P4HB: variants seen among roughly 807,000 people sequenced by gnomAD.
P4HB encodes the protein protein disulfide-isomerase.
In P4HB, 20 loss-of-function variants were observed where a neutral mutation model predicts 52.6. The ratio of observed to expected loss-of-function variants is 0.38; its 90% CI spans 0.27 to 0.55. The LOEUF (loss-of-function observed/expected upper bound fraction) is 0.55, where lower values mean the gene tolerates loss of function less well. Ranked by LOEUF, P4HB falls within the 20% of genes least tolerant of loss-of-function variation. P4HB has a pLI of 0.74. For missense variants in P4HB, 601 were observed against 669.2 expected, an observed-to-expected ratio of 0.90 and a Z score of 1.12; for synonymous variants, 296 against 277.9, an observed-to-expected ratio of 1.07 and a Z score of -0.65.
Position 81,855,215 on chromosome 17 carries a change from A to G in P4HB, c.551T>C (p.Phe184Ser). Residue 184 changes from phenylalanine to serine, a missense_variant, in exon 4 of 11, where the codon TTT (phenylalanine) becomes TCT (serine). Transcript: ENST00000331483. This position sits in a 1 kb window ranked among gnomAD's most constrained non-coding sequence, Gnocchi z 4.3. ...QAAEAIDDIP[F>S]GITSNSDVFS... is the part of the protein sequence containing the mutation. ...CACGTCACTGTTGGAAGTGATCCCA[A>G]ATGGTATGTCATCGATGGCCTCTGC... The G allele has an allele frequency of 6.2e-7, 1 of 1,614,012 alleles. No homozygotes were observed. The highest frequency in any genetic ancestry group is 8.5e-7 in the Non-Finnish European group (1 of 1,179,958).
chr17:81,857,215 C>T (rs1190951030), intron 2 of P4HB, among the ~76,000 whole-genome samples: 1 of 152,182 alleles, frequency 6.6e-6, no homozygotes, highest in Non-Finnish European at 1.5e-5. Flanking sequence ...GTGGCACGAT[C>T]TCAGCTCACT....
chr17:81,843,923 A>G lies in P4HB; in HGVS notation c.*89T>C, dbSNP rs2038690726. 1 of 968,164 alleles carries G rather than the reference A, an allele frequency of 1.0e-6. No homozygotes were observed. The highest frequency in any genetic ancestry group is 1.6e-5 in the African/African-American group (1 of 62,230). The allele number at this position is 968,164 out of a possible 1,614,324, so 60.0% of individuals were successfully genotyped here. The stretch of plus-strand genomic sequence containing the variant: ...GGGTTTCCGGCGACGCCCTCCTTCA[A>G]GCGAGGCCGCAGGCTTCGGAGGCGT... On this transcript the variant is annotated 3_prime_UTR_variant, in exon 11 of 11. Coordinates refer to ENST00000331483, the MANE Select transcript of P4HB (RefSeq NM_000918.4).
In P4HB at chr17:81,855,853, T is replaced by C; in HGVS notation, c.353-267A>G. Reference sequence around the variant, plus strand: ...ATAACAGGATCACAAACCCATTTTTTTTCTCTGATCTCTCTGCATTTTCTT... The same window carrying C: ...ATAACAGGATCACAAACCCATTTTTCTTCTCTGATCTCTCTGCATTTTCTT... On this transcript the variant is annotated intron_variant, in intron 2 of 10. Coordinates refer to ENST00000331483, the MANE Select transcript of P4HB (RefSeq NM_000918.4). The surrounding 1 kb of genome is among the most constrained non-coding windows in gnomAD (Gnocchi z 4.3). 2.5e-6 allele frequency: 1 copy of C among 407,896 alleles called. No individual in the cohort carries two copies. The highest frequency in any genetic ancestry group is 4.4e-6 in the Non-Finnish European group (1 of 229,408). The allele number at this position is 407,896 out of a possible 1,614,324, so 25.3% of individuals were successfully genotyped here.
chr17:81,850,642 C>A (rs1308717768), intron 4 of P4HB, among the ~76,000 whole-genome samples: 1 of 151,354 alleles, frequency 6.6e-6, no homozygotes, highest in Non-Finnish European at 1.5e-5. Context: ...TGCCAACACG[C>A]CTGGCAAATT....
intron 4 of P4HB, among the ~76,000 whole-genome samples, chr17:81,848,736 C>CAAA (rs770133887): frequency 3.7e-4 from 9 of 24,480 alleles, no homozygotes; most frequent in African/African-American, 1.0e-3. Context: ...AACTCTGTCT[C>CAAA]AAAAAAAAAA....
At position 81,855,062 on chromosome 17, in the gene P4HB, T is replaced by G. The variant is rs1468465808; in HGVS notation, c.624+80A>C. ...CAAAGGTGCCAGGAGCAAGGTTCCC[T>G]TAACGATAAGGAGAGCAACGCCACC... On this transcript the variant is annotated intron_variant, in intron 4 of 10. Coordinates refer to ENST00000331483, the MANE Select transcript of P4HB (RefSeq NM_000918.4). This position sits in a 1 kb window ranked among gnomAD's most constrained non-coding sequence, Gnocchi z 4.3. The G allele has an allele frequency of 7.0e-7, 1 of 1,429,930 alleles. No homozygotes were observed. The highest frequency in any genetic ancestry group is 9.8e-7 in the Non-Finnish European group (1 of 1,019,480). 88.6% of individuals were successfully genotyped at this position (1,429,930 alleles called of 1,614,324 possible). A position where few individuals can be genotyped will look rare whatever the true frequency, so the allele number is the denominator to read the frequency against.
Position 81,844,087 on chromosome 17 carries a change from G to A in P4HB, c.1452C>T (p.Leu484=), listed in dbSNP as rs141296055. ...GCTCCTCTGCTTCTTCCAGGTCCTC[G>A]AGATCCTGGGATACAGGAAAAGGGG... is the stretch of plus-strand genomic sequence containing the variant. ...GQDGAGDDDD[L]EDLEEAEEPD... is the part of the protein sequence containing the mutation. Residue 484 remains leucine (L), a synonymous_variant, in exon 11 of 11, where the codon CTC becomes CTT. Transcript: ENST00000331483. 3.5e-5 allele frequency: 57 copies of A among 1,610,878 alleles called. No homozygotes were observed. The highest frequency in any genetic ancestry group is 1.7e-4 in the Middle Eastern group (1 of 6,060).
chr17:81,851,694 C>T (rs570103609), intron 4 of P4HB, among the ~76,000 whole-genome samples: 125 of 152,326 alleles, frequency 8.2e-4, no homozygotes, highest in African/African-American at 2.9e-3. Flanking sequence ...GAGTGTCAGG[C>T]GCCGCCTACA....
At chr17:81,844,753 C>A (rs2038706724) in intron 10 of P4HB, among the ~76,000 whole-genome samples, 1 of 152,372 alleles carries the variant, frequency 6.6e-6, no homozygotes, top group Non-Finnish European at 1.5e-5. Context: ...CGCTGACGGG[C>A]AGGACTAAAC....
rs200828785 is a variant in P4HB, at chr17:81,843,867, G to A, written c.*145C>T. The stretch of plus-strand genomic sequence containing the variant: ...GACGGGGGTGAACGGACGGTGTGTA[G>A]GGGTGAGGTGTCACTTCAGAGAGGT... On this transcript the variant is annotated 3_prime_UTR_variant, in exon 11 of 11. Coordinates refer to ENST00000331483, the MANE Select transcript of P4HB (RefSeq NM_000918.4). The A allele has an allele frequency of 2.8e-6, 2 of 706,972 alleles. No individual in the cohort carries two copies. Among genetic ancestry groups the A allele is most frequent in the Non-Finnish European group, 5.1e-6 (2 of 388,930 alleles). 43.8% of individuals were successfully genotyped at this position (706,972 alleles called of 1,614,324 possible). A position where few individuals can be genotyped will look rare whatever the true frequency, so the allele number is the denominator to read the frequency against.
chr17:81,847,087 T>G lies in P4HB; in HGVS notation c.730-15A>C. On this transcript the variant is annotated splice_polypyrimidine_tract_variant and intron_variant, in intron 5 of 10. Coordinates refer to ENST00000331483, the MANE Select transcript of P4HB (RefSeq NM_000918.4). ...TTCGGGGCTGTCTGTGTTATAAACT[T>G]AAGTTACTGGGTCTGAGTCACACAC... is the stretch of plus-strand genomic sequence containing the variant. 1 of 1,613,892 alleles carries G rather than the reference T, an allele frequency of 6.2e-7. No individual in the cohort carries two copies. The highest frequency in any genetic ancestry group is 8.5e-7 in the Non-Finnish European group (1 of 1,179,950).
chr17:81,845,648 C>T lies in P4HB; in HGVS notation c.1272G>A (p.Lys424=). 6.2e-7 allele frequency: 1 copy of T among 1,613,884 alleles called. No individual in the cohort carries two copies. Among genetic ancestry groups the T allele is most frequent in the South Asian group, 1.1e-5 (1 of 91,072 alleles). Residue 424 remains lysine, a synonymous_variant, in exon 9 of 11, where the codon AAG becomes AAA. Transcript: ENST00000331483. Reference sequence around the variant, plus strand: ...CCACCTCGTTGGCAGTCGAGTCCATCTTGGCGATGACGATGTTCTCATGGT... The same window carrying T: ...CCACCTCGTTGGCAGTCGAGTCCATTTTGGCGATGACGATGTTCTCATGGT... ...YKDHENIVIA[K]MDSTANEVEA... is the part of the protein sequence containing the mutation.
Position 81,845,192 on chromosome 17 carries a change from A to C in P4HB, c.1398T>G (p.Phe466Leu), listed in dbSNP as rs200132865. 6.2e-7 allele frequency: 1 copy of C among 1,613,898 alleles called. No individual in the cohort carries two copies. Among genetic ancestry groups the C allele is most frequent in the Non-Finnish European group, 8.5e-7 (1 of 1,179,842 alleles). The change falls in exon 10 of 11, where the codon TTT (phenylalanine) becomes TTG (leucine). Residue 466 changes from phenylalanine to leucine, a missense_variant. Physicochemically the swap from Phe to Leu is conservative, Grantham distance 22. Transcript: ENST00000331483. ...DYNGERTLDG[F>L]KKFLESGGQD... is the part of the protein sequence containing the mutation. ...GGCCACCGCTCTCCAGGAATTTCTT[A>C]AAACCATCCAGCGTGCGTTCCCCGT...
rs775151370 is a variant in P4HB, at chr17:81,845,998, G to A, written c.1057-7C>T. On this transcript the variant is annotated splice_region_variant and splice_polypyrimidine_tract_variant and intron_variant, in intron 7 of 10. Coordinates refer to ENST00000331483, the MANE Select transcript of P4HB (RefSeq NM_000918.4). ...CCTGGCTCATCAGGTGGGGCTGGAG[G>A]GCAGGCAGGGCACGGTGAGGGGCGG... The A allele has an allele frequency of 1.2e-6, 2 of 1,602,686 alleles. No homozygotes were observed. Among genetic ancestry groups the A allele is most frequent in the Non-Finnish European group, 1.7e-6 (2 of 1,173,304 alleles).
At chr17:81,849,306 T>C (rs1399077434) in intron 4 of P4HB, among the ~76,000 whole-genome samples, 1 of 151,404 alleles carries the variant, frequency 6.6e-6, no homozygotes, top group Non-Finnish European at 1.5e-5. Context: ...AGCAGCCTAA[T>C]CCAACATGGT....
In P4HB at chr17:81,855,257, T is replaced by A. The variant is rs532127753; in HGVS notation, c.509A>T (p.Lys170Met). The change falls in exon 4 of 11, where the codon AAG (lysine) becomes ATG (methionine). Residue 170 changes from lysine to methionine, a missense_variant. Physicochemically the swap from Lys to Met is moderately conservative, Grantham distance 95. Transcript: ENST00000331483. This position sits in a 1 kb window ranked among gnomAD's most constrained non-coding sequence, Gnocchi z 4.3. ...FFKDVESDSAKQFLQAAEAID... is the reference protein window; with the variant it reads ...FFKDVESDSAMQFLQAAEAID... ...GGCCTCTGCTGCCTGCAAAAACTGC[T>A]TGGCAGAGTCCGACTCCACGTCCTG... 6 of 1,613,960 alleles carry A rather than the reference T, an allele frequency of 3.7e-6. No individual in the cohort carries two copies. The South Asian group carries it at 5.5e-5, about 15-fold the overall frequency.
intron 4 of P4HB, among the ~76,000 whole-genome samples, chr17:81,851,416 G>A (rs544483092): frequency 1.3e-5 from 2 of 152,232 alleles, no homozygotes; most frequent in Non-Finnish European, 2.9e-5. Flanking sequence ...CAGGGCACAA[G>A]CACCAACCAC....
rs761393057 is a variant in P4HB, at chr17:81,855,433, T to A, written c.486+20A>T. 1.2e-6 allele frequency: 2 copies of A among 1,602,234 alleles called. No homozygotes were observed. Among genetic ancestry groups the A allele is most frequent in the South Asian group, 1.1e-5 (1 of 90,250 alleles). On this transcript the variant is annotated intron_variant, in intron 3 of 10. Transcript: ENST00000331483. The surrounding 1 kb of genome is among the most constrained non-coding windows in gnomAD (Gnocchi z 4.3). ...AATGGATGACGGAAGGAAGGAAGAC[T>A]GGAATGCTCTGGTCTCTACCTTGAA...
chr17:81,857,308 C>T (rs1436821020), intron 2 of P4HB, among the ~76,000 whole-genome samples: 3 of 152,096 alleles, frequency 2.0e-5, no homozygotes, highest in East Asian at 1.9e-4. Context: ...CCACCACGCC[C>T]GGCTAATTTT....
Sources: allele counts gnomAD v4.1 joint callset (sites outside exome capture counted in the v4.1 genomes callset), GRCh38; gene constraint gnomAD v4.1.1; non-coding constraint Gnocchi (gnomAD v3.1); transcripts MANE v1.5; gene names NCBI Gene and HGNC (gene_info 2026-07-23, HGNC 2026-07-21).